The following PSMA3 variants were observed in gnomAD, a reference collection of about 807,000 sequenced individuals.
The protein encoded by PSMA3 is proteasome subunit alpha type-3.
Under a neutral mutation model 40.0 loss-of-function variants are expected in PSMA3, and 8 were observed. That is an observed-to-expected ratio of 0.20 (90% confidence interval 0.12 to 0.36). The LOEUF (loss-of-function observed/expected upper bound fraction) is 0.36, where lower values mean the gene tolerates loss of function less well. Ranked by LOEUF, PSMA3 falls within the 10% of genes least tolerant of loss-of-function variation. The probability of loss-of-function intolerance (pLI) is 1.00; values close to 1 mark genes in which losing one functional copy is unlikely to be tolerated. For missense variants in PSMA3, 219 were observed against 310.6 expected, an observed-to-expected ratio of 0.70 and a Z score of 2.22; for synonymous variants, 110 against 100.0, an observed-to-expected ratio of 1.10 and a Z score of -0.59.
chr14:58,254,349 T>TACAC (rs570314201), intron 3 of PSMA3, among the ~76,000 whole-genome samples: 1,402 of 133,242 alleles, frequency 0.011, 51 homozygotes, highest in African/African-American at 0.038. Flanking sequence ...TATATGTATG[T>TACAC]ACACACACAC....
chr14:58,261,116 A>C (rs1457472743), intron 6 of PSMA3, 96 bp downstream of exon 6: 2 of 866,948 alleles, frequency 2.3e-6, no homozygotes, highest in East Asian at 5.7e-5. Flanking sequence ...ATTAAAAAAA[A>C]ACTCATTCAA....
intron 3 of PSMA3, among the ~76,000 whole-genome samples, chr14:58,256,416 C>CT (rs377353285): frequency 0.056 from 7,636 of 136,604 alleles, 339 homozygotes; most frequent in African/African-American, 0.12. Flanking sequence ...TGAGCATTTC[C>CT]TTTTTTTTTT....
Position 58,271,327 on chromosome 14 carries a change from C to CTTT in PSMA3, c.723+347_723+349dup, listed in dbSNP as rs60528514. ...ACTTTTAATACTTTAAATATTTGTT[C>CTTT]TTTTTTTTTTTTTTTTTTTTGAGAC... On this transcript the variant is annotated intron_variant, in intron 10 of 10. Coordinates refer to ENST00000216455, the MANE Select transcript of PSMA3 (RefSeq NM_002788.4). Among the ~76,000 whole-genome samples, 289 of 102,360 alleles carry CTTT rather than the reference C, an allele frequency of 2.8e-3. 8 individuals are homozygous for CTTT. The highest frequency in any genetic ancestry group is 6.1e-3 in the African/African-American group (159 of 26,226). The allele number at this position is 102,360 out of a possible 152,430, so 67.2% of individuals were successfully genotyped here.
In PSMA3 at chr14:58,258,918, A is replaced by T. The variant is rs189562168; in HGVS notation, c.404+920A>T. On this transcript the variant is annotated intron_variant, in intron 5 of 10. Coordinates refer to ENST00000216455, the MANE Select transcript of PSMA3 (RefSeq NM_002788.4). ...TTAAAGAAAACTTGAGTTTTATTCT[A>T]TTGGTAATATTACATTAGGGTTTTG... Among the ~76,000 whole-genome samples, 3 of 144,668 alleles carry T rather than the reference A, an allele frequency of 2.1e-5. No homozygotes were observed. The Admixed American group carries it at 2.1e-4, about 10-fold the overall frequency. 94.9% of individuals were successfully genotyped at this position (144,668 alleles called of 152,430 possible). A position where few individuals can be genotyped will look rare whatever the true frequency, so the allele number is the denominator to read the frequency against.
In PSMA3 at chr14:58,270,445, G is replaced by C. The variant is rs1202230019; in HGVS notation, c.618G>C (p.Lys206Asn). 1 of 1,613,662 alleles carries C rather than the reference G, an allele frequency of 6.2e-7. No individual in the cohort carries two copies. Residue 206 changes from lysine (K) to asparagine (N), a missense_variant, in exon 9 of 11, where the codon AAG becomes AAC. Lys to Asn is a moderately conservative substitution (Grantham distance 94). Coordinates refer to ENST00000216455, the MANE Select transcript of PSMA3 (RefSeq NM_002788.4). The part of the protein sequence containing the change: ...KIIYIVHDEV[K>N]DKAFELELSW... ...TTTACATAGTACATGACGAAGTTAA[G>C]GATAAAGCTTTTGAACTAGAACTCA...
At chr14:58,259,377 C>T (rs531611100) in intron 5 of PSMA3, among the ~76,000 whole-genome samples, 2 of 152,064 alleles carry the variant, frequency 1.3e-5, no homozygotes, top group Non-Finnish European at 2.9e-5. Context: ...TGCAGTGGCA[C>T]GATCTCAGGT....
At chr14:58,244,974 A>T in intron 1 of PSMA3, 33 bp downstream of exon 1, 3 of 1,613,970 alleles carry the variant, frequency 1.9e-6, no homozygotes, top group Non-Finnish European at 2.5e-6. Context: ...TAATAGTTTA[A>T]CCTAAGGATT....
Position 58,244,849 on chromosome 14 carries a change from T to G in PSMA3, c.-72T>G. On this transcript the variant is annotated 5_prime_UTR_variant, in exon 1 of 11. Coordinates refer to ENST00000216455, the MANE Select transcript of PSMA3 (RefSeq NM_002788.4). ...GCCAATGAGCGGGCCTGTTACTAGTTTGCGGCATCCTGTGGTATAGGGGAA... is the reference window on the plus strand; with the variant it reads ...GCCAATGAGCGGGCCTGTTACTAGTGTGCGGCATCCTGTGGTATAGGGGAA... 2.5e-6 allele frequency: 4 copies of G among 1,604,258 alleles called. No individual in the cohort carries two copies. The South Asian group carries it at 4.4e-5, about 18-fold the overall frequency.
At chr14:58,245,138 C>T in intron 1 of PSMA3, 197 bp downstream of exon 1, 2 of 647,442 alleles carry the variant, frequency 3.1e-6, no homozygotes, top group Non-Finnish European at 5.4e-6. Context: ...ACCGTGACTC[C>T]TGAAGCTTTT....
At chr14:58,255,928 G>A (rs1227667107) in intron 3 of PSMA3, among the ~76,000 whole-genome samples, 2 of 152,094 alleles carry the variant, frequency 1.3e-5, no homozygotes, top group East Asian at 1.9e-4. Context: ...GCGTGATCTC[G>A]GCTCACTGCA....
chr14:58,258,681 A>T (rs1220984248), intron 5 of PSMA3, among the ~76,000 whole-genome samples: 3 of 152,152 alleles, frequency 2.0e-5, no homozygotes, highest in Non-Finnish European at 2.9e-5. Flanking sequence ...ATTCAGCTGC[A>T]TAAAGACCTG....
In PSMA3 at chr14:58,252,488, G is replaced by C. The variant is rs113623933; in HGVS notation, c.228+246G>C. Among the ~76,000 whole-genome samples the C allele has an allele frequency of 8.3e-3, 1,259 of 152,270 alleles. 22 individuals are homozygous for C. Among genetic ancestry groups the C allele is most frequent in the African/African-American group, 0.028 (1,173 of 41,532 alleles). Reference sequence around the variant, plus strand: ...TATGCGTAGAAATGAGATCTTGGCAGCACACATTACTAATGAAGGTATATG... The same window carrying C: ...TATGCGTAGAAATGAGATCTTGGCACCACACATTACTAATGAAGGTATATG... On this transcript the variant is annotated intron_variant, in intron 3 of 10. Transcript: ENST00000216455.
intron 8 of PSMA3, chr14:58,268,275 A>G (rs182943991): frequency 6.6e-6 from 1 of 152,322 alleles, no homozygotes; most frequent in East Asian, 1.9e-4. Context: ...GTAATTCATA[A>G]CAACTCTAAG....
rs150771106 is a variant in PSMA3 at position 58,251,308 on chromosome 14, C to A, written c.105-811C>A. Among the ~76,000 whole-genome samples the A allele has an allele frequency of 1.1e-3, 169 of 152,284 alleles. 1 individual carries two copies. In the East Asian group the frequency reaches 0.028, roughly 25 times the overall value. On this transcript the variant is annotated intron_variant, in intron 2 of 10. Transcript: ENST00000216455. ...AGGTTGTGTGTGTGTGTGTTTGAGA[C>A]AGGGTCTCACTCTGTTGCACAGACT...
Position 58,267,492 on chromosome 14 carries a change from C to T in PSMA3, c.562C>T (p.Arg188Cys), listed in dbSNP as rs765244048. ...EKLQMKEMTCRDIVKEVAKII... is the reference protein window; with the variant it reads ...EKLQMKEMTCCDIVKEVAKII... Reference sequence around the variant, plus strand: ...TCTATAGATGAAAGAAATGACCTGCCGTGATATCGTTAAAGAAGTTGCAAA... The same window carrying T: ...TCTATAGATGAAAGAAATGACCTGCTGTGATATCGTTAAAGAAGTTGCAAA... The change falls in exon 8 of 11, where the codon CGT (arginine) becomes TGT (cysteine). Residue 188 changes from arginine (R) to cysteine (C), a missense_variant. Transcript: ENST00000216455. The T allele has an allele frequency of 1.9e-6, 3 of 1,568,064 alleles. No homozygotes were observed. The highest frequency in any genetic ancestry group is 1.4e-5 in the African/African-American group (1 of 72,820).
At chr14:58,255,166 A>G (rs1890114546) in intron 3 of PSMA3, among the ~76,000 whole-genome samples, 1 of 135,270 alleles carries the variant, frequency 7.4e-6, no homozygotes, top group Non-Finnish European at 1.6e-5. Flanking sequence ...TAGTGTTTAC[A>G]TCCTAAAAAC....
Position 58,260,601 on chromosome 14 carries a change from G to A in PSMA3, c.405-347G>A, listed in dbSNP as rs144032181. On this transcript the variant is annotated intron_variant, in intron 5 of 10. Coordinates refer to ENST00000216455, the MANE Select transcript of PSMA3 (RefSeq NM_002788.4). ...TTCACATGGATTCAGTATACTCTCC[G>A]TCAGGAATTTTGTTCCCTTGATCTT... Among the ~76,000 whole-genome samples the A allele has an allele frequency of 5.4e-3, 815 of 152,306 alleles. 3 individuals carry two copies. Among genetic ancestry groups the A allele is most frequent in the Non-Finnish European group, 9.5e-3 (648 of 68,026 alleles).
At chr14:58,251,460 T>A (rs1029441216) in intron 2 of PSMA3, among the ~76,000 whole-genome samples, 3 of 152,188 alleles carry the variant, frequency 2.0e-5, no homozygotes, top group Non-Finnish European at 2.9e-5. Flanking sequence ...TAAGCCAGGT[T>A]TCGCCATGTT....
intron 3 of PSMA3, among the ~76,000 whole-genome samples, chr14:58,257,154 T>C (rs1411060214): frequency 1.4e-5 from 2 of 147,134 alleles, no homozygotes; most frequent in African/African-American, 2.5e-5. Context: ...TTATTCGTTA[T>C]AATGAGGTAG....
Sources: gnomAD v4.1 joint callset for allele counts (sites outside exome capture counted in the v4.1 genomes callset) on GRCh38, gnomAD v4.1.1 for gene constraint, MANE v1.5 for transcripts, NCBI Gene and HGNC (gene_info 2026-07-23, HGNC 2026-07-21) for gene names.